The following MARCHF11 variants were observed in gnomAD, a reference collection of about 807,000 sequenced individuals.
The protein encoded by MARCHF11 is E3 ubiquitin-protein ligase MARCHF11.
A neutral mutation model predicts 37.3 loss-of-function variants in MARCHF11; 29 were observed. That is an observed-to-expected ratio of 0.78 (90% confidence interval 0.58 to 1.06). MARCHF11 has a LOEUF of 1.06. Among genes scored for constraint, MARCHF11 ranks in the 50% least tolerant of loss-of-function variants. The pLI is 0.00. For missense variants in MARCHF11, 482 were observed against 533.4 expected, an observed-to-expected ratio of 0.90 and a Z score of 0.95; for synonymous variants, 233 against 228.0, an observed-to-expected ratio of 1.02 and a Z score of -0.20.
At chr5:16,089,202 T>C (rs2126555572) in intron 3 of MARCHF11, among the ~76,000 whole-genome samples, 1 of 152,252 alleles carries the variant, frequency 6.6e-6, no homozygotes, top group East Asian at 1.9e-4. Context: ...CCAGGTTGGA[T>C]TGGGAGCTAA....
chr5:16,151,133 T>C (rs1299035497), intron 2 of MARCHF11, among the ~76,000 whole-genome samples: 1 of 152,202 alleles, frequency 6.6e-6, no homozygotes, highest in East Asian at 1.9e-4. Flanking sequence ...GGTTAGAGCA[T>C]ATATGTGTTC....
At chr5:16,177,481 AT>A (rs1738381677) in intron 2 of MARCHF11, among the ~76,000 whole-genome samples, 2 of 152,230 alleles carry the variant, frequency 1.3e-5, no homozygotes, top group African/African-American at 4.8e-5. Flanking sequence ...GACTGGTATC[AT>A]TTTATCAATA....
intron 3 of MARCHF11, among the ~76,000 whole-genome samples, chr5:16,078,701 C>T (rs983893447): frequency 5.9e-5 from 9 of 152,186 alleles, no homozygotes; most frequent in African/African-American, 1.2e-4. Flanking sequence ...GGAGTGGCCT[C>T]CTCTGGGCCT....
intron 2 of MARCHF11, among the ~76,000 whole-genome samples, chr5:16,094,307 G>A (rs1478783879): frequency 6.6e-6 from 1 of 152,158 alleles, no homozygotes; most frequent in African/African-American, 2.4e-5. Flanking sequence ...CAGCCTGAAG[G>A]AGCTGTGTTA....
chr5:16,118,035 T>A (rs1401974249), intron 2 of MARCHF11, among the ~76,000 whole-genome samples: 1 of 152,212 alleles, frequency 6.6e-6, no homozygotes, highest in Non-Finnish European at 1.5e-5. Flanking sequence ...AAAGGCATTT[T>A]ATCATGACAG....
intron 3 of MARCHF11, among the ~76,000 whole-genome samples, chr5:16,085,955 A>AT (rs1736691987): frequency 7.2e-6 from 1 of 137,994 alleles, no homozygotes; most frequent in Non-Finnish European, 1.5e-5. Flanking sequence ...AAAAAAAAAA[A>AT]AAAAAAAAAA....
intron 2 of MARCHF11, among the ~76,000 whole-genome samples, chr5:16,134,998 T>TCACA (rs1553996992): frequency 1.8e-4 from 26 of 143,796 alleles, no homozygotes; most frequent in South Asian, 2.3e-4. Context: ...TCTCTCTCTC[T>TCACA]CACACACACA....
At chr5:16,096,188 G>A (rs1736865520) in intron 2 of MARCHF11, among the ~76,000 whole-genome samples, 1 of 152,170 alleles carries the variant, frequency 6.6e-6, no homozygotes, top group Non-Finnish European at 1.5e-5. Context: ...ATACCTACTT[G>A]AAAGGTGGCT....
Position 16,094,483 on chromosome 5 carries a change from A to G in MARCHF11, c.694-3402T>C, listed in dbSNP as rs557441050. Among the ~76,000 whole-genome samples, 6 of 152,198 alleles carry G rather than the reference A, an allele frequency of 3.9e-5. No homozygotes were observed. The South Asian group carries it at 1.2e-3, about 32-fold the overall frequency. ...AGTGAAATATTTCACTGTCTCCTCTAAAGAGATACATAGGAGTGTGTGTGT... is the reference window on the plus strand; with the variant it reads ...AGTGAAATATTTCACTGTCTCCTCTGAAGAGATACATAGGAGTGTGTGTGT... On this transcript the variant is annotated intron_variant, in intron 2 of 3. Coordinates refer to ENST00000332432, the MANE Select transcript of MARCHF11 (RefSeq NM_001102562.3).
At chr5:16,129,719 A>G (rs1737481565) in intron 2 of MARCHF11, among the ~76,000 whole-genome samples, 1 of 152,178 alleles carries the variant, frequency 6.6e-6, no homozygotes, top group Non-Finnish European at 1.5e-5. Context: ...TATTTGCAAT[A>G]CCCTTCTTGA....
At chr5:16,079,526 T>G (rs1381494935) in intron 3 of MARCHF11, among the ~76,000 whole-genome samples, 2 of 152,138 alleles carry the variant, frequency 1.3e-5, no homozygotes, top group Non-Finnish European at 2.9e-5. Flanking sequence ...CCACTTCACC[T>G]CTCTGCACTT....
At chr5:16,162,582 T>C (rs1177516255) in intron 2 of MARCHF11, among the ~76,000 whole-genome samples, 1 of 152,008 alleles carries the variant, frequency 6.6e-6, no homozygotes, top group African/African-American at 2.4e-5. Context: ...CATTGCCCAA[T>C]GTTTTTTTCT....
At chr5:16,163,600 T>C (rs1270140286) in intron 2 of MARCHF11, among the ~76,000 whole-genome samples, 2 of 151,998 alleles carry the variant, frequency 1.3e-5, no homozygotes, top group Admixed American at 6.6e-5. Flanking sequence ...ATCAAATAGG[T>C]TGAAAGTAAA....
chr5:16,111,946 A>T (rs1485242331), intron 2 of MARCHF11, among the ~76,000 whole-genome samples: 2 of 152,232 alleles, frequency 1.3e-5, no homozygotes, highest in African/African-American at 4.8e-5. Flanking sequence ...GCAAGCCCCA[A>T]GCTTTGGGAG....
chr5:16,085,188 G>A (rs563432247), intron 3 of MARCHF11, among the ~76,000 whole-genome samples: 9 of 152,006 alleles, frequency 5.9e-5, no homozygotes, highest in East Asian at 1.9e-4. Context: ...TCCCCGTAGC[G>A]TTAAAATTAT....
intron 3 of MARCHF11, among the ~76,000 whole-genome samples, chr5:16,081,716 G>A (rs923391482): frequency 1.3e-5 from 2 of 152,288 alleles, no homozygotes; most frequent in Middle Eastern, 3.4e-3. Flanking sequence ...TGGAGGAGAC[G>A]AAACTCAACA....
At chr5:16,082,661 C>T (rs1208433586) in intron 3 of MARCHF11, among the ~76,000 whole-genome samples, 3 of 152,050 alleles carry the variant, frequency 2.0e-5, no homozygotes, top group Non-Finnish European at 4.4e-5. Flanking sequence ...GCAGCAGAGG[C>T]GGGTGATATA....
intron 2 of MARCHF11, among the ~76,000 whole-genome samples, chr5:16,147,346 A>G (rs1737816078): frequency 6.6e-6 from 1 of 151,934 alleles, no homozygotes; most frequent in African/African-American, 2.4e-5. Flanking sequence ...ATCTCCCAAA[A>G]CCCCGTGACG....
chr5:16,085,530 T>C (rs1736679219), intron 3 of MARCHF11, among the ~76,000 whole-genome samples: 1 of 143,584 alleles, frequency 7.0e-6, no homozygotes, highest in Admixed American at 7.4e-5. Flanking sequence ...AAACAAGTGA[T>C]GATATCCATA....
Sources: allele counts gnomAD v4.1 joint callset (sites outside exome capture counted in the v4.1 genomes callset), GRCh38; gene constraint gnomAD v4.1.1; transcripts MANE v1.5; gene names NCBI Gene and HGNC (gene_info 2026-07-23, HGNC 2026-07-21).